Variants in COG4 observed in about 807,000 individuals in gnomAD.
COG4 encodes the protein conserved oligomeric Golgi complex subunit 4.
COG4 carries 65 observed loss-of-function variants against 95.1 expected under a neutral mutation model. The observed-to-expected ratio is 0.68, with a 90% CI of 0.56 to 0.84. The LOEUF is 0.84. COG4 is among the 40% of genes least tolerant of loss of function. The pLI is 0.00. For missense variants in COG4, 1,045 were observed against 989.1 expected, an observed-to-expected ratio of 1.06 and a Z score of -0.76; for synonymous variants, 421 against 374.8, an observed-to-expected ratio of 1.12 and a Z score of -1.42.
Position 70,501,032 on chromosome 16 carries a change from A to G in COG4, c.1121T>C (p.Leu374Ser). ...TLMNARSELY[L>S]RFLKKRISSD... ...GCTAATCCTCTTCTTGAGGAAGCGTAAGTATAGCTCACTGCGGGCATTCAT... is the reference window on the plus strand; with the variant it reads ...GCTAATCCTCTTCTTGAGGAAGCGTGAGTATAGCTCACTGCGGGCATTCAT... The change falls in exon 9 of 19, where the codon TTA becomes TCA. Residue 374 changes from leucine to serine, a missense_variant. Transcript: ENST00000323786. 6.2e-7 allele frequency: 1 copy of G among 1,614,026 alleles called. No homozygotes were observed. The highest frequency in any genetic ancestry group is 8.5e-7 in the Non-Finnish European group (1 of 1,179,976).
At chr16:70,498,670 C>A (rs2049389496) in intron 9 of COG4, among the ~76,000 whole-genome samples, 1 of 152,128 alleles carries the variant, frequency 6.6e-6, no homozygotes, top group Non-Finnish European at 1.5e-5. Flanking sequence ...GAGAAAATAA[C>A]CACTCTATTT....
intron 2 of COG4, among the ~76,000 whole-genome samples, chr16:70,518,200 G>T (rs2049864943): frequency 6.6e-6 from 1 of 152,134 alleles, no homozygotes; most frequent in Non-Finnish European, 1.5e-5. Context: ...GGGATTATAG[G>T]CGTGAGCTAC....
intron 3 of COG4, among the ~76,000 whole-genome samples, chr16:70,516,627 G>A (rs2049828961): frequency 1.3e-5 from 2 of 152,090 alleles, no homozygotes. Context: ...ATATTCATAA[G>A]AGCTACTGGT....
intron 15 of COG4, 70 bp from the exon 16 acceptor site, chr16:70,482,245 A>T (rs2049014542): frequency 1.1e-6 from 1 of 941,786 alleles, no homozygotes; most frequent in Admixed American, 1.7e-5. Flanking sequence ...ACCCACCTCT[A>T]TCCCTCTAAG....
intron 3 of COG4, chr16:70,515,906 A>T (rs1436694688): frequency 9.3e-6 from 4 of 428,020 alleles, no homozygotes; most frequent in Non-Finnish European, 1.9e-5. Flanking sequence ...TGGCCTCAAG[A>T]GATCCTACTG....
intron 14 of COG4, among the ~76,000 whole-genome samples, 164 bp from the exon 15 acceptor site, chr16:70,482,985 C>G (rs553342507): frequency 3.1e-4 from 40 of 130,448 alleles, no homozygotes; most frequent in African/African-American, 1.2e-3. Flanking sequence ...CTCCTCTCCC[C>G]ACCCCTTCCC....
intron 8 of COG4, 78 bp downstream of exon 8, chr16:70,508,328 T>C (rs2049622352): frequency 3.3e-6 from 4 of 1,197,386 alleles, no homozygotes; most frequent in African/African-American, 1.5e-5. Flanking sequence ...GACCACATTG[T>C]AACAGAGTAG....
chr16:70,500,650 C>T (rs1352744723), intron 9 of COG4, among the ~76,000 whole-genome samples: 1 of 151,902 alleles, frequency 6.6e-6, no homozygotes, highest in Non-Finnish European at 1.5e-5. Flanking sequence ...TGTGAGCCAC[C>T]GTACCTGGCC....
At chr16:70,496,130 T>A (rs1246237366) in intron 12 of COG4, 136 bp downstream of exon 12, 4 of 920,946 alleles carry the variant, frequency 4.3e-6, no homozygotes, top group Non-Finnish European at 3.5e-6. Context: ...GAAATTCCCT[T>A]AAAGGAGGAA....
At chr16:70,518,517 C>A (rs1464234425) in intron 2 of COG4, among the ~76,000 whole-genome samples, 4 of 152,080 alleles carry the variant, frequency 2.6e-5, no homozygotes, top group Non-Finnish European at 4.4e-5. Flanking sequence ...CACCACCATG[C>A]CCAACTAATT....
Position 70,510,158 on chromosome 16 carries a change from C to T in COG4, c.739-137G>A, listed in dbSNP as rs771001048. 66 of 726,234 alleles carry T rather than the reference C, an allele frequency of 9.1e-5. 1 individual carries two copies. The Middle Eastern group carries it at 1.1e-3, about 12-fold the overall frequency. 45.0% of individuals were successfully genotyped at this position (726,234 alleles called of 1,614,324 possible). A position where few individuals can be genotyped will look rare whatever the true frequency, so the allele number is the denominator to read the frequency against. ...TTGATGTCTGGAAGCCCAGGCAGCA[C>T]AGAGGAAACTCCCTTGAGGGACAGT... is the stretch of plus-strand genomic sequence containing the variant. On this transcript the variant is annotated intron_variant, in intron 5 of 18. Coordinates refer to ENST00000323786, the MANE Select transcript of COG4 (RefSeq NM_015386.3).
chr16:70,516,406 C>G (rs7184876), intron 3 of COG4, among the ~76,000 whole-genome samples: 18,213 of 151,796 alleles, frequency 0.12, 3,621 homozygotes, highest in African/African-American at 0.41. Context: ...ACGCTATTCT[C>G]CTGCCTCAGA....
Position 70,523,494 on chromosome 16 carries a change from A to T in COG4, c.50T>A (p.Val17Glu), listed in dbSNP as rs780394487. The change falls in exon 1 of 19, where the codon GTG becomes GAG. Residue 17 changes from valine to glutamate, a missense_variant. Val to Glu is a moderately radical substitution (Grantham distance 121). Transcript: ENST00000323786. ...TCCCACCCCCTCAGACGGCTGCTGC[A>T]CCCCTGACAGCTTCGGAGGCGAATC... Reference protein sequence around the residue: ...DLDSPPKLSGVQQPSEGVGGG... With the variant: ...DLDSPPKLSGEQQPSEGVGGG... The T allele has an allele frequency of 6.2e-7, 1 of 1,613,886 alleles. No homozygotes were observed. The highest frequency in any genetic ancestry group is 8.5e-7 in the Non-Finnish European group (1 of 1,180,016).
chr16:70,490,271 C>A (rs1300183419), intron 13 of COG4, 59 bp downstream of exon 13: 7 of 1,336,294 alleles, frequency 5.2e-6, no homozygotes, highest in Non-Finnish European at 7.5e-6. Context: ...TTGTATAGGG[C>A]TCTATCTCAA....
intron 15 of COG4, chr16:70,482,379 A>G (rs2049017259): frequency 3.1e-6 from 2 of 644,316 alleles, no homozygotes; most frequent in Non-Finnish European, 5.6e-6. Flanking sequence ...AGTGGCCCAC[A>G]TAACATGGTA....
chr16:70,521,619 TA>T (rs1480675887), intron 1 of COG4, among the ~76,000 whole-genome samples: 3 of 152,024 alleles, frequency 2.0e-5, no homozygotes, highest in Non-Finnish European at 4.4e-5. Flanking sequence ...ATTTTGTCTG[TA>T]AGATTTCCAT....
At chr16:70,496,036 A>G (rs1159823385) in intron 12 of COG4, among the ~76,000 whole-genome samples, 2 of 152,222 alleles carry the variant, frequency 1.3e-5, no homozygotes, top group African/African-American at 2.4e-5. Flanking sequence ...TCTAGGTGAC[A>G]GCTGGACAGC....
intron 13 of COG4, among the ~76,000 whole-genome samples, chr16:70,485,066 G>A (rs2049098932): frequency 6.6e-6 from 1 of 152,088 alleles, no homozygotes; most frequent in African/African-American, 2.4e-5. Context: ...TTTATTCAAA[G>A]CCATGGCAAT....
chr16:70,490,466 G>T, intron 12 of COG4, 74 bp from the exon 13 acceptor site: 2 of 1,229,906 alleles, frequency 1.6e-6, no homozygotes, highest in South Asian at 1.2e-5. Context: ...CAGACTGGCT[G>T]ACAGCTGTGC....
Sources: gnomAD v4.1 joint callset for allele counts (sites outside exome capture counted in the v4.1 genomes callset) on GRCh38, gnomAD v4.1.1 for gene constraint, MANE v1.5 for transcripts, NCBI Gene and HGNC (gene_info 2026-07-23, HGNC 2026-07-21) for gene names.